CATSPERT: variants seen among roughly 807,000 people sequenced by gnomAD.
CATSPERT encodes catsper channel auxiliary subunit tau, also known as cation channel sperm-associated targeting subunit tau.
the CATSPERT span, chr2:201,571,890 G>A: frequency 2.6e-6 from 4 of 1,524,164 alleles, no homozygotes; most frequent in Non-Finnish European, 3.6e-6. Context: ...GATTAAAATT[G>A]TTTTAAGTGC....
At chr2:201,548,944 G>T in the CATSPERT span, among the ~76,000 whole-genome samples, 1 of 151,960 alleles carries the variant, frequency 6.6e-6, no homozygotes, top group Non-Finnish European at 1.5e-5. Flanking sequence ...AAACTGACCA[G>T]CCAAGTATCT....
the CATSPERT span, among the ~76,000 whole-genome samples, chr2:201,561,830 CG>C: frequency 1.9e-4 from 28 of 151,126 alleles, no homozygotes; most frequent in African/African-American, 6.6e-4. Flanking sequence ...GCCAAGATCA[CG>C]CCACTGCACT....
the CATSPERT span, chr2:201,537,575 T>TA: frequency 4.0e-6 from 4 of 1,004,310 alleles, no homozygotes; most frequent in African/African-American, 1.6e-5. Context: ...TTTTTCTCAC[T>TA]AAAAACAAAG....
chr2:201,582,937 G>A, the CATSPERT span, among the ~76,000 whole-genome samples: 1 of 152,104 alleles, frequency 6.6e-6, no homozygotes, highest in Non-Finnish European at 1.5e-5. Flanking sequence ...TGAGAAAAAG[G>A]AATGCAAGCC....
At chr2:201,579,601 A>G in the CATSPERT span, among the ~76,000 whole-genome samples, 4 of 151,682 alleles carry the variant, frequency 2.6e-5, no homozygotes, top group Non-Finnish European at 4.4e-5. Context: ...GTCTTTTACA[A>G]CTTTTTCGAA....
the CATSPERT span, among the ~76,000 whole-genome samples, chr2:201,610,457 CAAA>C: frequency 1.8e-4 from 24 of 134,072 alleles, no homozygotes; most frequent in Non-Finnish European, 1.1e-4. Context: ...GACTCCGTCT[CAAA>C]AAAAAAAAAA....
the CATSPERT span, among the ~76,000 whole-genome samples, chr2:201,533,428 T>C: frequency 2.0e-5 from 3 of 152,196 alleles, no homozygotes; most frequent in Non-Finnish European, 4.4e-5. Flanking sequence ...AACTGACTGA[T>C]ATATGCCTCA....
At chr2:201,546,402 T>G in the CATSPERT span, among the ~76,000 whole-genome samples, 136 of 152,288 alleles carry the variant, frequency 8.9e-4, no homozygotes, top group African/African-American at 2.9e-3. Flanking sequence ...AAGAGTTTAA[T>G]GTCCAGAATA....
At chr2:201,516,753 T>C in the CATSPERT span, among the ~76,000 whole-genome samples, 1 of 151,850 alleles carries the variant, frequency 6.6e-6, no homozygotes, top group South Asian at 2.1e-4. Flanking sequence ...TGGAGATTTT[T>C]TTTCCCCCCT....
the CATSPERT span, among the ~76,000 whole-genome samples, chr2:201,586,960 C>T: frequency 1.9e-3 from 282 of 152,072 alleles, 1 homozygote; most frequent in African/African-American, 6.3e-3. Flanking sequence ...TCCCTCCTTC[C>T]CCCCTTCTCC....
At chr2:201,509,655 A>G in the CATSPERT span, among the ~76,000 whole-genome samples, 2 of 151,122 alleles carry the variant, frequency 1.3e-5, no homozygotes, top group Non-Finnish European at 2.9e-5. Context: ...TATTTTACAT[A>G]GTAAATTATG....
the CATSPERT span, chr2:201,491,409 T>C: frequency 6.5e-7 from 1 of 1,537,258 alleles, no homozygotes; most frequent in South Asian, 1.2e-5. Flanking sequence ...TATATTGGAA[T>C]GACTGTATTT....
the CATSPERT span, among the ~76,000 whole-genome samples, chr2:201,522,314 A>G: frequency 2.6e-4 from 39 of 152,196 alleles, no homozygotes; most frequent in Admixed American, 2.6e-3. Flanking sequence ...GTAAAAATGA[A>G]GGATACAATC....
At chr2:201,492,386 C>T in the CATSPERT span, 2 of 1,534,016 alleles carry the variant, frequency 1.3e-6, no homozygotes, top group Non-Finnish European at 1.7e-6. Flanking sequence ...CTTAAATCAG[C>T]TTTTAGATGT....
the CATSPERT span, among the ~76,000 whole-genome samples, chr2:201,581,583 T>G: frequency 1.5e-5 from 1 of 64,816 alleles, no homozygotes; most frequent in African/African-American, 6.6e-5. Flanking sequence ...TATATATATA[T>G]ATATATATAT....
At chr2:201,561,063 G>A in the CATSPERT span, among the ~76,000 whole-genome samples, 1 of 152,016 alleles carries the variant, frequency 6.6e-6, no homozygotes, top group Non-Finnish European at 1.5e-5. Context: ...TTACAGGCGT[G>A]AGCCACCACG....
At chr2:201,537,328 G>A in the CATSPERT span, 4 of 891,854 alleles carry the variant, frequency 4.5e-6, no homozygotes, top group South Asian at 6.4e-5. Flanking sequence ...AAACAACTGA[G>A]TAACTTCTTG....
chr2:201,618,889 C>A, the CATSPERT span: 1 of 1,612,960 alleles, frequency 6.2e-7, no homozygotes, highest in Non-Finnish European at 8.5e-7. Context: ...GCCAGGCCCC[C>A]GCTCACTCAC....
At chr2:201,606,072 T>C in the CATSPERT span, among the ~76,000 whole-genome samples, 2 of 152,108 alleles carry the variant, frequency 1.3e-5, no homozygotes, top group African/African-American at 4.8e-5. Flanking sequence ...AATGGTTGAA[T>C]TGGAAGGCAG....
Sources: allele counts gnomAD v4.1 joint callset (sites outside exome capture counted in the v4.1 genomes callset), GRCh38; gene constraint gnomAD v4.1.1; transcripts MANE v1.5; gene names NCBI Gene and HGNC (gene_info 2026-07-23, HGNC 2026-07-21).